Variants in ITPRID2 observed in about 807,000 individuals in gnomAD.
ITPRID2 encodes ITPR interacting domain containing 2.
In ITPRID2, 60 loss-of-function variants were observed where a neutral mutation model predicts 124.3. The ratio of observed to expected loss-of-function variants is 0.48; its 90% CI spans 0.39 to 0.60. ITPRID2 has a LOEUF of 0.60. Among genes scored for constraint, ITPRID2 ranks in the 20% least tolerant of loss-of-function variants. The probability of loss-of-function intolerance (pLI) is 0.00; values close to 1 mark genes in which losing one functional copy is unlikely to be tolerated. For missense variants in ITPRID2, 1,553 were observed against 1,512.2 expected (o/e 1.03, Z -0.45); for synonymous variants, 521 against 542.9 (o/e 0.96, Z 0.56).
At chr2:181,927,918 TCA>T (rs1221828325) in intron 16 of ITPRID2, among the ~76,000 whole-genome samples, 1 of 152,208 alleles carries the variant, frequency 6.6e-6, no homozygotes, top group Non-Finnish European at 1.5e-5. Flanking sequence ...TCTAATGTCC[TCA>T]CCTTATGAAT....
At chr2:181,924,667 A>C (rs1694721192) in intron 16 of ITPRID2, among the ~76,000 whole-genome samples, 1 of 152,226 alleles carries the variant, frequency 6.6e-6, no homozygotes, top group South Asian at 2.1e-4. Flanking sequence ...TTGTACCATT[A>C]AGTGAGGTTT....
chr2:181,908,695 A>G (rs1204167675), intron 8 of ITPRID2, among the ~76,000 whole-genome samples: 1 of 152,236 alleles, frequency 6.6e-6, no homozygotes, highest in Non-Finnish European at 1.5e-5. Context: ...ATCACAAATT[A>G]GAGCAAATTT....
chr2:181,905,060 T>TG lies in ITPRID2; in HGVS notation c.1413+2594_1413+2595insG, dbSNP rs1304438894. ...TGTTTATAACGATGTTTTTTCTTTT[T>TG]TTTTTTTTTTTGAGACGGAGTCGCG... On this transcript the variant is annotated intron_variant, in intron 8 of 17. Transcript: ENST00000431877. The surrounding 1 kb of genome is among the most constrained non-coding windows in gnomAD (Gnocchi z 4.1). Among the ~76,000 whole-genome samples, 7 of 151,302 alleles carry TG rather than the reference T, an allele frequency of 4.6e-5. No individual in the cohort carries two copies. Among genetic ancestry groups the TG allele is most frequent in the African/African-American group, 1.7e-4 (7 of 41,262 alleles).
rs1691761932 is a variant in ITPRID2, at chr2:181,892,189, T to C, written c.123T>C (p.Asp41=). The C allele has an allele frequency of 6.4e-7, 1 of 1,553,172 alleles. No individual in the cohort carries two copies. Reference sequence around the variant, plus strand: ...CCTGGCAAGCGTCGGAGACGGAGGATCTGTCCACAGAAGCGACGACGCAGG... The same window carrying C: ...CCTGGCAAGCGTCGGAGACGGAGGACCTGTCCACAGAAGCGACGACGCAGG... The part of the protein sequence containing the change: ...RSSWQASETE[D]LSTEATTQDE... The change falls in exon 1 of 18, where the codon GAT becomes GAC. Residue 41 remains aspartate, a synonymous_variant. Coordinates refer to ENST00000431877, the MANE Select transcript of ITPRID2 (RefSeq NM_001130445.3). This position sits in a 1 kb window ranked among gnomAD's most constrained non-coding sequence, Gnocchi z 5.2.
rs753805197 is a variant in ITPRID2, at chr2:181,915,622, A to G, written c.1982A>G (p.His661Arg). 1.2e-6 allele frequency: 2 copies of G among 1,614,238 alleles called. No homozygotes were observed. Among genetic ancestry groups the G allele is most frequent in the East Asian group, 2.2e-5 (1 of 44,886 alleles). The change falls in exon 11 of 18, where the codon CAT (histidine) becomes CGT (arginine). Residue 661 changes from histidine to arginine, a missense_variant. His to Arg is a conservative substitution (Grantham distance 29). Coordinates refer to ENST00000431877, the MANE Select transcript of ITPRID2 (RefSeq NM_001130445.3). ...GAATTTACTCAGTATACCACACACC[A>G]TATTCTGAAATCATTGGCTTCTATT... ...ESEFTQYTTH[H>R]ILKSLASIEA... is the part of the protein sequence containing the mutation.
intron 2 of ITPRID2, chr2:181,894,701 G>T (rs762923059): frequency 5.3e-5 from 8 of 152,076 alleles, no homozygotes; most frequent in Non-Finnish European, 1.2e-4. Context: ...TCCTTAAAGG[G>T]AGTCTTTATT....
Position 181,902,287 on chromosome 2 carries a change from A to G in ITPRID2, c.1234A>G (p.Ile412Val). The G allele has an allele frequency of 1.2e-6, 2 of 1,613,902 alleles. No homozygotes were observed. The highest frequency in any genetic ancestry group is 1.1e-5 in the South Asian group (1 of 91,038). Residue 412 changes from isoleucine to valine, a missense_variant, in exon 8 of 18, where the codon ATT becomes GTT. Coordinates refer to ENST00000431877, the MANE Select transcript of ITPRID2 (RefSeq NM_001130445.3). The surrounding 1 kb of genome is among the most constrained non-coding windows in gnomAD (Gnocchi z 4.4). ...GAGTAAACTGGGTGAGGAATCTGGT[A>G]TTGTAGAATCCAAATTAGATAGTGA... ...HESKLGEESG[I>V]VESKLDSDFN...
At chr2:181,912,152 T>G (rs1239878319) in intron 9 of ITPRID2, among the ~76,000 whole-genome samples, 1 of 152,246 alleles carries the variant, frequency 6.6e-6, no homozygotes, top group African/African-American at 2.4e-5. Flanking sequence ...ATTCTTTTGT[T>G]GCTTTAAGGA....
At position 181,902,373 on chromosome 2, in the gene ITPRID2, A is replaced by G. The variant is rs531634137; in HGVS notation, c.1320A>G (p.Ile440Met). Reference sequence around the variant, plus strand: ...GCAGTGAGCTGAAAAGTGTCCATATATCCACACCTGAAAAAGAGCCTTGTG... The same window carrying G: ...GCAGTGAGCTGAAAAGTGTCCATATGTCCACACCTGAAAAAGAGCCTTGTG... ...ENSSELKSVHISTPEKEPCAP... is the reference protein window; with the variant it reads ...ENSSELKSVHMSTPEKEPCAP... The change falls in exon 8 of 18, where the codon ATA (isoleucine) becomes ATG (methionine). Residue 440 changes from isoleucine to methionine, a missense_variant. By Grantham distance (10) the Ile-to-Met change is conservative. Coordinates refer to ENST00000431877, the MANE Select transcript of ITPRID2 (RefSeq NM_001130445.3). This position sits in a 1 kb window ranked among gnomAD's most constrained non-coding sequence, Gnocchi z 4.4. 1.2e-5 allele frequency: 19 copies of G among 1,613,878 alleles called. No individual in the cohort carries two copies. The South Asian group carries it at 2.0e-4, about 17-fold the overall frequency.
Position 181,896,072 on chromosome 2 carries a change from A to G in ITPRID2, c.300A>G (p.Thr100=), listed in dbSNP as rs763444109. 6.2e-7 allele frequency: 1 copy of G among 1,612,748 alleles called. No individual in the cohort carries two copies. Among genetic ancestry groups the G allele is most frequent in the Non-Finnish European group, 8.5e-7 (1 of 1,178,878 alleles). ...GASLDEQSSS[T]LKGVLVRNGG... Reference sequence around the variant, plus strand: ...CACTGGATGAACAAAGCAGTAGTACACTCAAGGGTAAGAGAAGGTTGCCTT... The same window carrying G: ...CACTGGATGAACAAAGCAGTAGTACGCTCAAGGGTAAGAGAAGGTTGCCTT... Residue 100 remains threonine (T), a synonymous_variant, in exon 3 of 18, where the codon ACA becomes ACG. Coordinates refer to ENST00000431877, the MANE Select transcript of ITPRID2 (RefSeq NM_001130445.3). This position sits in a 1 kb window ranked among gnomAD's most constrained non-coding sequence, Gnocchi z 4.3.
chr2:181,918,067 C>T (rs1187623084), intron 11 of ITPRID2: 1 of 154,436 alleles, frequency 6.5e-6, no homozygotes. Flanking sequence ...TTCATCATAG[C>T]ACTCCTTCCA....
At position 181,930,659 on chromosome 2, in the gene ITPRID2, T is replaced by C. The variant is rs1264682968; in HGVS notation, c.*1112T>C. On this transcript the variant is annotated 3_prime_UTR_variant, in exon 18 of 18. Transcript: ENST00000431877. ...TTTGAAAGAATCTCTAAAAGGCTTA[T>C]AAATGTTTGAAATATCACACAAAGG... The C allele has an allele frequency of 6.6e-6, 1 of 152,572 alleles. No individual in the cohort carries two copies. Among genetic ancestry groups the C allele is most frequent in the Non-Finnish European group, 1.5e-5 (1 of 67,998 alleles). The allele number at this position is 152,572 out of a possible 1,614,324, so 9.5% of individuals were successfully genotyped here.
intron 16 of ITPRID2, among the ~76,000 whole-genome samples, chr2:181,922,689 C>T (rs894163608): frequency 2.6e-5 from 4 of 152,174 alleles, no homozygotes; most frequent in Non-Finnish European, 4.4e-5. Context: ...ATAAACATGA[C>T]GTACTCTTTG....
At chr2:181,920,557 C>T (rs747666942) in intron 14 of ITPRID2, 40 bp from the exon 15 acceptor site, 14 of 1,358,166 alleles carry the variant, frequency 1.0e-5, no homozygotes, top group Non-Finnish European at 1.4e-5. Flanking sequence ...TGTATATATA[C>T]ACACACATAT....
At chr2:181,921,459 C>T (rs1302689184) in intron 15 of ITPRID2, among the ~76,000 whole-genome samples, 2 of 151,506 alleles carry the variant, frequency 1.3e-5, no homozygotes, top group African/African-American at 4.9e-5. Flanking sequence ...GCCTGGGTGA[C>T]AGAGTGAGAC....
Position 181,892,376 on chromosome 2 carries a change from A to G in ITPRID2, c.211+99A>G, listed in dbSNP as rs1691798759. 4.4e-6 allele frequency: 6 copies of G among 1,358,650 alleles called. No individual in the cohort carries two copies. The highest frequency in any genetic ancestry group is 2.9e-5 in the African/African-American group (2 of 68,810). The allele number at this position is 1,358,650 out of a possible 1,614,324, so 84.2% of individuals were successfully genotyped here. Reference sequence around the variant, plus strand: ...CACGAGTTCTGGGAGAGCCTCGGGCACGGTAGGCCGAGGGGAGAGGGGACA... The same window carrying G: ...CACGAGTTCTGGGAGAGCCTCGGGCGCGGTAGGCCGAGGGGAGAGGGGACA... On this transcript the variant is annotated intron_variant, in intron 1 of 17. Coordinates refer to ENST00000431877, the MANE Select transcript of ITPRID2 (RefSeq NM_001130445.3). The surrounding 1 kb of genome is among the most constrained non-coding windows in gnomAD (Gnocchi z 5.2).
Position 181,902,614 on chromosome 2 carries a change from A to G in ITPRID2, c.1413+148A>G. 1 of 629,382 alleles carries G rather than the reference A, an allele frequency of 1.6e-6. No individual in the cohort carries two copies. The allele number at this position is 629,382 out of a possible 1,614,324, so 39.0% of individuals were successfully genotyped here. On this transcript the variant is annotated intron_variant, in intron 8 of 17. Coordinates refer to ENST00000431877, the MANE Select transcript of ITPRID2 (RefSeq NM_001130445.3). The surrounding 1 kb of genome is among the most constrained non-coding windows in gnomAD (Gnocchi z 4.4). The stretch of plus-strand genomic sequence containing the variant: ...TTTCCAGGTTTATGTTTCACAAACC[A>G]AGAATTGGTCTCAGGATAATGTGAT...
At chr2:181,895,043 A>G (rs1692073077) in intron 2 of ITPRID2, among the ~76,000 whole-genome samples, 1 of 152,108 alleles carries the variant, frequency 6.6e-6, no homozygotes, top group Non-Finnish European at 1.5e-5. Context: ...ATTGCTTGTG[A>G]TTCTTTTACG....
chr2:181,902,316 C>T lies in ITPRID2; in HGVS notation c.1263C>T (p.Phe421=), dbSNP rs1478724857. Residue 421 remains phenylalanine, a synonymous_variant, in exon 8 of 18, where the codon TTC becomes TTT. Coordinates refer to ENST00000431877, the MANE Select transcript of ITPRID2 (RefSeq NM_001130445.3). The surrounding 1 kb of genome is among the most constrained non-coding windows in gnomAD (Gnocchi z 4.4). ...TAGAATCCAAATTAGATAGTGATTT[C>T]AACATATCCAGCCACAGTGAGCTGG... ...GIVESKLDSD[F]NISSHSELEN... The T allele has an allele frequency of 1.2e-6, 2 of 1,613,776 alleles. No homozygotes were observed. The highest frequency in any genetic ancestry group is 2.7e-5 in the African/African-American group (2 of 74,904).
Sources: allele counts gnomAD v4.1 joint callset (sites outside exome capture counted in the v4.1 genomes callset), GRCh38; gene constraint gnomAD v4.1.1; non-coding constraint Gnocchi (gnomAD v3.1); transcripts MANE v1.5; gene names NCBI Gene and HGNC (gene_info 2026-07-23, HGNC 2026-07-21).